Variants in SLCO6A1 observed in about 807,000 individuals in gnomAD.
The protein encoded by SLCO6A1 is solute carrier organic anion transporter family member 6A1.
A neutral mutation model predicts 72.7 loss-of-function variants in SLCO6A1; 65 were observed. The ratio of observed to expected loss-of-function variants is 0.89; its 90% CI spans 0.73 to 1.10. The LOEUF is 1.10. SLCO6A1 is among the 50% of genes least tolerant of loss of function. The pLI, the probability that SLCO6A1 is intolerant of heterozygous loss-of-function variation, is 0.00. For missense variants in SLCO6A1, 874 were observed against 872.6 expected (o/e 1.00, Z -0.02); for synonymous variants, 314 against 298.2 (o/e 1.05, Z -0.55).
intron 10 of SLCO6A1, 75 bp downstream of exon 10, chr5:102,399,480 A>G: frequency 2.0e-6 from 2 of 1,003,826 alleles, no homozygotes; most frequent in Non-Finnish European, 2.6e-6. Flanking sequence ...TATTTGCTAC[A>G]ATATTCTAAA....
At chr5:102,382,994 G>GTA (rs1329945502) in intron 12 of SLCO6A1, among the ~76,000 whole-genome samples, 1 of 144,466 alleles carries the variant, frequency 6.9e-6, no homozygotes, top group African/African-American at 2.6e-5. Flanking sequence ...ATATATATGT[G>GTA]TATATATATG....
At chr5:102,406,195 G>T (rs570310213) in intron 9 of SLCO6A1, among the ~76,000 whole-genome samples, 2 of 151,952 alleles carry the variant, frequency 1.3e-5, no homozygotes, top group Non-Finnish European at 2.9e-5. Flanking sequence ...TAACAGACTG[G>T]AGAAAAGGTA....
rs575172353 is a variant in SLCO6A1 at position 102,381,367 on chromosome 5, C to A, written c.2017+7321G>T. 2.0e-5 allele frequency among the ~76,000 whole-genome samples: 3 copies of A among 151,766 alleles called. No homozygotes were observed. The South Asian group carries it at 6.2e-4, about 31-fold the overall frequency. On this transcript the variant is annotated intron_variant, in intron 12 of 13. Coordinates refer to ENST00000506729, the MANE Select transcript of SLCO6A1 (RefSeq NM_173488.5). ...AGCTTATTTTGCTTAACATGATGTCCTGTAGTTTCACCCACATTGTTGCAA... is the reference window on the plus strand; with the variant it reads ...AGCTTATTTTGCTTAACATGATGTCATGTAGTTTCACCCACATTGTTGCAA...
At chr5:102,450,535 T>C (rs1201391173) in intron 6 of SLCO6A1, among the ~76,000 whole-genome samples, 1 of 152,234 alleles carries the variant, frequency 6.6e-6, no homozygotes, top group Non-Finnish European at 1.5e-5. Context: ...CTCAGTGCTC[T>C]GAGAGTGTGG....
intron 10 of SLCO6A1, among the ~76,000 whole-genome samples, chr5:102,391,464 A>G (rs1028070380): frequency 2.6e-5 from 4 of 152,078 alleles, no homozygotes; most frequent in Admixed American, 2.0e-4. Context: ...GCTGAGGTAA[A>G]TGGACTATAT....
At chr5:102,491,162 T>C (rs994893380) in intron 1 of SLCO6A1, among the ~76,000 whole-genome samples, 1 of 152,024 alleles carries the variant, frequency 6.6e-6, no homozygotes, top group African/African-American at 2.4e-5. Flanking sequence ...AAATACAGAG[T>C]GTCCATTGGT....
chr5:102,413,146 G>A lies in SLCO6A1; in HGVS notation c.1473-3C>T, dbSNP rs775502048. The A allele has an allele frequency of 1.0e-5, 16 of 1,556,708 alleles. No individual in the cohort carries two copies. The highest frequency in any genetic ancestry group is 1.4e-5 in the Non-Finnish European group (16 of 1,160,486). On this transcript the variant is annotated splice_region_variant and splice_polypyrimidine_tract_variant and intron_variant, in intron 8 of 13. Coordinates refer to ENST00000506729, the MANE Select transcript of SLCO6A1 (RefSeq NM_173488.5). Reference sequence around the variant, plus strand: ...TGAGGTTTCCCAACTTCCCTGTTCTGTAAAAACAAGATTGAATGTAATCAT... The same window carrying A: ...TGAGGTTTCCCAACTTCCCTGTTCTATAAAAACAAGATTGAATGTAATCAT...
At chr5:102,394,695 G>A (rs1746965472) in intron 10 of SLCO6A1, among the ~76,000 whole-genome samples, 1 of 151,948 alleles carries the variant, frequency 6.6e-6, no homozygotes, top group African/African-American at 2.4e-5. Context: ...AGAATATATT[G>A]TTACATTAAA....
intron 1 of SLCO6A1, among the ~76,000 whole-genome samples, chr5:102,495,639 AT>A (rs1174165216): frequency 6.6e-6 from 1 of 151,934 alleles, no homozygotes; most frequent in Non-Finnish European, 1.5e-5. Flanking sequence ...ATAATAAAAA[AT>A]AAAATTGATT....
rs369076621 is a variant in SLCO6A1, at chr5:102,480,443, T to C, written c.359-9A>G. 8.3e-5 allele frequency: 132 copies of C among 1,590,022 alleles called. No homozygotes were observed. The South Asian group carries it at 1.2e-3, about 15-fold the overall frequency. On this transcript the variant is annotated splice_polypyrimidine_tract_variant and intron_variant, in intron 1 of 13. Transcript: ENST00000506729. ...AAGACCAAACACCACACCTAAAATG[T>C]AAAAAGAAAAAGAGAAAACAACGAT... is the stretch of plus-strand genomic sequence containing the variant.
chr5:102,460,223 C>A (rs1750954673), intron 4 of SLCO6A1, among the ~76,000 whole-genome samples: 1 of 152,094 alleles, frequency 6.6e-6, no homozygotes, highest in Non-Finnish European at 1.5e-5. Context: ...GGCATTTAAT[C>A]CTTTCAATTA....
In SLCO6A1 at chr5:102,477,664, G is replaced by T. The variant is rs763620936; in HGVS notation, c.802+12C>A. The T allele has an allele frequency of 6.2e-7, 1 of 1,605,282 alleles. No individual in the cohort carries two copies. Among genetic ancestry groups the T allele is most frequent in the Admixed American group, 1.7e-5 (1 of 58,878 alleles). ...AAAATGGGTCAATCGTAATAGAGGG[G>T]GTAAAACTTGCCTAAATAGATACCA... On this transcript the variant is annotated intron_variant, in intron 3 of 13. Coordinates refer to ENST00000506729, the MANE Select transcript of SLCO6A1 (RefSeq NM_173488.5).
chr5:102,442,524 G>A (rs1457001744), intron 6 of SLCO6A1, among the ~76,000 whole-genome samples: 1 of 152,084 alleles, frequency 6.6e-6, no homozygotes, highest in Non-Finnish European at 1.5e-5. Flanking sequence ...AAAATTAAAG[G>A]ATTGCACGGG....
intron 4 of SLCO6A1, among the ~76,000 whole-genome samples, chr5:102,472,949 C>A (rs573150926): frequency 1.8e-4 from 27 of 152,046 alleles, no homozygotes; most frequent in Admixed American, 9.2e-4. Context: ...AGTATCTGAA[C>A]AGACCTGTAA....
intron 6 of SLCO6A1, among the ~76,000 whole-genome samples, chr5:102,456,107 A>G (rs1329448572): frequency 2.6e-5 from 4 of 152,212 alleles, no homozygotes; most frequent in African/African-American, 9.7e-5. Context: ...GATATACCTC[A>G]AAATAATAAG....
intron 6 of SLCO6A1, among the ~76,000 whole-genome samples, chr5:102,440,235 T>C (rs1404812159): frequency 2.6e-5 from 4 of 152,108 alleles, no homozygotes; most frequent in Non-Finnish European, 2.9e-5. Flanking sequence ...CCCCAGCCTC[T>C]ATAGAAAGAG....
In SLCO6A1 at chr5:102,477,731, A is replaced by C. The variant is rs771142422; in HGVS notation, c.747T>G (p.Leu249=). The change falls in exon 3 of 14, where the codon CTT becomes CTG. Residue 249 remains leucine, a synonymous_variant. Transcript: ENST00000506729. ...QGIAGMPLYI[L]GITFIDENVA... ...CATTCTCATCAATAAAGGTTATTCC[A>C]AGGATATAAAGAGGCATTCCTGCTA... The C allele has an allele frequency of 2.5e-6, 4 of 1,613,722 alleles. No homozygotes were observed. The South Asian group carries it at 4.4e-5, about 18-fold the overall frequency.
chr5:102,401,685 T>C (rs1747406589), intron 9 of SLCO6A1, among the ~76,000 whole-genome samples: 1 of 152,102 alleles, frequency 6.6e-6, no homozygotes, highest in Non-Finnish European at 1.5e-5. Flanking sequence ...AAGGACTTCC[T>C]AAGAGAAACT....
At chr5:102,474,737 T>A (rs995625690) in intron 4 of SLCO6A1, among the ~76,000 whole-genome samples, 5 of 151,936 alleles carry the variant, frequency 3.3e-5, no homozygotes, top group African/African-American at 4.8e-5. Context: ...AAAAACAATC[T>A]GATTTAAAAA....
Sources: gnomAD v4.1 joint callset for allele counts (sites outside exome capture counted in the v4.1 genomes callset) on GRCh38, gnomAD v4.1.1 for gene constraint, MANE v1.5 for transcripts, NCBI Gene and HGNC (gene_info 2026-07-23, HGNC 2026-07-21) for gene names.